Variants in CAMK4 observed in about 807,000 individuals in gnomAD.
CAMK4 encodes calcium/calmodulin-dependent protein kinase type IV.
CAMK4 carries 22 observed loss-of-function variants against 44.9 expected under a neutral mutation model. The observed-to-expected ratio is 0.49, with a 90% CI of 0.35 to 0.70. CAMK4 has a LOEUF of 0.70. Among genes scored for constraint, CAMK4 ranks in the 30% least tolerant of loss-of-function variants. The pLI is 0.01. For synonymous variants in CAMK4, 218 were observed against 215.4 expected (o/e 1.01, Z -0.11); for missense variants, 498 against 586.8 (o/e 0.85, Z 1.56).
intron 5 of CAMK4, chr5:111,416,566 C>T (rs1436498055): frequency 6.6e-6 from 1 of 152,154 alleles, no homozygotes; most frequent in Non-Finnish European, 1.5e-5. Flanking sequence ...ATCAGACTCC[C>T]TGGATTCAAG....
intron 2 of CAMK4, among the ~76,000 whole-genome samples, chr5:111,370,038 C>T (rs1041001953): frequency 2.6e-5 from 4 of 152,100 alleles, no homozygotes; most frequent in East Asian, 1.9e-4. Flanking sequence ...GAGAACCCTA[C>T]GTATACCCTG....
At chr5:111,324,469 C>T (rs1469674301) in intron 1 of CAMK4, among the ~76,000 whole-genome samples, 1 of 151,850 alleles carries the variant, frequency 6.6e-6, no homozygotes, top group Non-Finnish European at 1.5e-5. Flanking sequence ...AAATGCATTG[C>T]CAGAAATGAA....
At chr5:111,301,770 T>G (rs1335401694) in intron 1 of CAMK4, among the ~76,000 whole-genome samples, 1 of 152,230 alleles carries the variant, frequency 6.6e-6, no homozygotes, top group Non-Finnish European at 1.5e-5. Flanking sequence ...TTCCTATACA[T>G]AAACTTGCTT....
At chr5:111,316,021 A>C (rs546557998) in intron 1 of CAMK4, among the ~76,000 whole-genome samples, 3 of 152,256 alleles carry the variant, frequency 2.0e-5, no homozygotes, top group African/African-American at 7.2e-5. Flanking sequence ...AGACCACCAC[A>C]TTTTATTCAT....
At chr5:111,289,455 T>G (rs537418881) in intron 1 of CAMK4, among the ~76,000 whole-genome samples, 62 of 152,342 alleles carry the variant, frequency 4.1e-4, no homozygotes, top group African/African-American at 1.4e-3. Flanking sequence ...CACTTTGAAT[T>G]ATCAAAGTAA....
intron 1 of CAMK4, among the ~76,000 whole-genome samples, chr5:111,259,358 TA>T (rs992697417): frequency 6.6e-6 from 1 of 152,168 alleles, no homozygotes; most frequent in East Asian, 1.9e-4. Flanking sequence ...GTAGCAATGA[TA>T]AAAAACAATA....
At chr5:111,388,961 G>A (rs895124504) in intron 4 of CAMK4, among the ~76,000 whole-genome samples, 3 of 152,098 alleles carry the variant, frequency 2.0e-5, no homozygotes, top group African/African-American at 7.2e-5. Flanking sequence ...CATCAAGCCA[G>A]GCCCTAGACA....
chr5:111,347,489 G>C (rs1229193626), intron 2 of CAMK4, among the ~76,000 whole-genome samples: 5 of 151,898 alleles, frequency 3.3e-5, no homozygotes, highest in Non-Finnish European at 4.4e-5. Flanking sequence ...CTTGTGGCAG[G>C]GCTAGCTAGA....
chr5:111,340,179 A>C (rs1113598), intron 1 of CAMK4, among the ~76,000 whole-genome samples: 53,770 of 150,796 alleles, frequency 0.36, 10,538 homozygotes, highest in South Asian at 0.51. Context: ...GCGACAGTTT[A>C]ACTTACTCCT....
At chr5:111,295,766 G>A (rs1164620431) in intron 1 of CAMK4, among the ~76,000 whole-genome samples, 1 of 152,168 alleles carries the variant, frequency 6.6e-6, no homozygotes, top group Non-Finnish European at 1.5e-5. Context: ...GTTGTCTAGT[G>A]GTTAGGAGAA....
At chr5:111,323,557 C>A in intron 1 of CAMK4, among the ~76,000 whole-genome samples, 1 of 150,908 alleles carries the variant, frequency 6.6e-6, no homozygotes, top group African/African-American at 2.4e-5. Context: ...ACTAATGTCC[C>A]ATTTGAAAAA....
chr5:111,294,519 T>G (rs1747407033), intron 1 of CAMK4, among the ~76,000 whole-genome samples: 1 of 152,164 alleles, frequency 6.6e-6, no homozygotes, highest in African/African-American at 2.4e-5. Flanking sequence ...TTCTCTTAAA[T>G]TTTTACCCTA....
At chr5:111,249,637 T>TAA (rs1369620585) in intron 1 of CAMK4, among the ~76,000 whole-genome samples, 34 of 125,028 alleles carry the variant, frequency 2.7e-4, no homozygotes, top group African/African-American at 4.2e-4. Flanking sequence ...TGTATATATA[T>TAA]ATATATATGT....
chr5:111,313,022 GC>G (rs1200886300), intron 1 of CAMK4, among the ~76,000 whole-genome samples: 1 of 152,044 alleles, frequency 6.6e-6, no homozygotes. Flanking sequence ...CCAAAGGGAT[GC>G]CCCTTCTATT....
rs1755892037 is a variant in CAMK4, at chr5:111,492,619, G to A, written c.*8153G>A. 6.6e-6 allele frequency: 1 copy of A among 152,132 alleles called. No individual in the cohort carries two copies. Among genetic ancestry groups the A allele is most frequent in the Non-Finnish European group, 1.5e-5 (1 of 68,034 alleles). 9.4% of individuals were successfully genotyped at this position (152,132 alleles called of 1,614,324 possible). A position where few individuals can be genotyped will look rare whatever the true frequency, so the allele number is the denominator to read the frequency against. ...AAACAACATAGTTTAGGGGATATTA[G>A]GCCTACATTCTAATCACATTGTAAG... On this transcript the variant is annotated 3_prime_UTR_variant, in exon 11 of 11. Transcript: ENST00000282356.
chr5:111,415,950 A>G (rs916658118), intron 5 of CAMK4, among the ~76,000 whole-genome samples: 4 of 152,250 alleles, frequency 2.6e-5, no homozygotes, highest in Non-Finnish European at 4.4e-5. Context: ...AGATGTGTGT[A>G]GTTGTATGCA....
chr5:111,420,163 C>A (rs533435259), intron 5 of CAMK4, among the ~76,000 whole-genome samples: 26 of 151,106 alleles, frequency 1.7e-4, no homozygotes, highest in African/African-American at 5.8e-4. Flanking sequence ...CTTCACATCC[C>A]TTGTAAGTTG....
Position 111,259,189 on chromosome 5 carries a change from C to T in CAMK4, c.161+34545C>T, listed in dbSNP as rs140402950. ...CCCTAAACATACAGAATATATGCTT[C>T]TTGGAGGGTAAATACATTTAATGTT... On this transcript the variant is annotated intron_variant, in intron 1 of 10. Coordinates refer to ENST00000282356, the MANE Select transcript of CAMK4 (RefSeq NM_001744.6). Among the ~76,000 whole-genome samples, 16 of 152,272 alleles carry T rather than the reference C, an allele frequency of 1.1e-4. 1 individual carries two copies. The East Asian group carries it at 3.1e-3, about 29-fold the overall frequency.
intron 2 of CAMK4, among the ~76,000 whole-genome samples, chr5:111,352,904 C>G (rs1256630763): frequency 1.3e-5 from 2 of 151,912 alleles, no homozygotes; most frequent in Non-Finnish European, 2.9e-5. Context: ...ACTAACTAAA[C>G]AAAGAATAAA....
Sources: gnomAD v4.1 joint callset for allele counts (sites outside exome capture counted in the v4.1 genomes callset) on GRCh38, gnomAD v4.1.1 for gene constraint, MANE v1.5 for transcripts, NCBI Gene and HGNC (gene_info 2026-07-23, HGNC 2026-07-21) for gene names.